Variants in TASOR2 observed in about 807,000 individuals in gnomAD.
The protein encoded by TASOR2 is transcription activation suppressor family member 2.
In TASOR2, 84 loss-of-function variants were observed where a neutral mutation model predicts 199.5. That is an observed-to-expected ratio of 0.42 (90% CI 0.35 to 0.50). TASOR2 has a LOEUF of 0.50. Ranked by LOEUF, TASOR2 falls within the 20% of genes least tolerant of loss-of-function variation. The probability of loss-of-function intolerance (pLI) is 0.02; values close to 1 mark genes in which losing one functional copy is unlikely to be tolerated. For missense variants in TASOR2, 2,796 were observed against 2,835.9 expected (o/e 0.99, Z 0.32); for synonymous variants, 1,103 against 1,046.6 (o/e 1.05, Z -1.04).
Position 5,739,729 on chromosome 10 carries a change from A to G in TASOR2, c.1559A>G (p.Asp520Gly), listed in dbSNP as rs770550129. 1.5e-5 allele frequency: 24 copies of G among 1,614,188 alleles called. No individual in the cohort carries two copies. In the South Asian group the frequency reaches 2.1e-4, roughly 14 times the overall value. ...GAAAATACCACAGCGGCTCACAATGATCTTCCTGAAAACTCCATCGTCAAC... is the reference window on the plus strand; with the variant it reads ...GAAAATACCACAGCGGCTCACAATGGTCTTCCTGAAAACTCCATCGTCAAC... Residue 520 changes from aspartate (D) to glycine (G), a missense_variant, in exon 13 of 21, where the codon GAT (aspartate) becomes GGT (glycine). Physicochemically the swap from Asp to Gly is moderately conservative, Grantham distance 94. Coordinates refer to ENST00000328090, the Ensembl canonical transcript of TASOR2.
intron 8 of TASOR2, among the ~76,000 whole-genome samples, chr10:5,724,768 G>T (rs978018311): frequency 1.3e-5 from 2 of 151,196 alleles, no homozygotes; most frequent in African/African-American, 4.8e-5. Context: ...TATCTGTGGG[G>T]TATATGTTCC....
exon 21 of TASOR2, chr10:5,763,209 T>C (rs1417498057): frequency 2.3e-5 from 13 of 568,082 alleles, no homozygotes; most frequent in Non-Finnish European, 3.9e-5. Context: ...CACAGTGGCA[T>C]TGCAGTTGTC....
chr10:5,703,115 A>T (rs1838107610), intron 1 of TASOR2, among the ~76,000 whole-genome samples: 1 of 152,314 alleles, frequency 6.6e-6, no homozygotes, highest in East Asian at 1.9e-4. Context: ...TAGAAGACAG[A>T]TACCAGCTAA....
Position 5,747,405 on chromosome 10 carries a change from G to GGT in TASOR2, c.3986_3987dup (p.Ala1330TrpfsTer9). The stretch of plus-strand genomic sequence containing the variant: ...CTGAGGAAATAGGTGAACCGGAAGA[G>GGT]GTGGCTCTCACAGAAAGCAGAGAAG... On this transcript the variant is annotated frameshift_variant, in exon 15 of 21. Coordinates refer to ENST00000328090, the Ensembl canonical transcript of TASOR2. LOFTEE classifies it high-confidence loss of function. The GGT allele has an allele frequency of 6.2e-7, 1 of 1,614,132 alleles. No homozygotes were observed. The highest frequency in any genetic ancestry group is 8.5e-7 in the Non-Finnish European group (1 of 1,180,032).
rs1218732936 is a variant in TASOR2, at chr10:5,730,793, C to G, written c.794C>G (p.Ser265Ter). 6.2e-7 allele frequency: 1 copy of G among 1,614,124 alleles called. No individual in the cohort carries two copies. Among genetic ancestry groups the G allele is most frequent in the Non-Finnish European group, 8.5e-7 (1 of 1,180,018 alleles). Reference sequence around the variant, plus strand: ...TTAACTCAGTTGAACTCTTATTTTTCAGACCCTAGTGCTTACATTTTGGAA... The same window carrying G: ...TTAACTCAGTTGAACTCTTATTTTTGAGACCCTAGTGCTTACATTTTGGAA... The change falls in exon 11 of 21, where the codon TCA becomes TGA. Residue 265 changes from serine to a stop codon, truncating the protein, a stop_gained. Coordinates refer to ENST00000328090, the Ensembl canonical transcript of TASOR2. LOFTEE classifies it high-confidence loss of function. This position sits in a 1 kb window ranked among gnomAD's most constrained non-coding sequence, Gnocchi z 4.1.
chr10:5,761,359 G>A (rs1839803587), exon 19 of TASOR2: 1 of 1,613,834 alleles, frequency 6.2e-7, no homozygotes, highest in African/African-American at 1.3e-5. Context: ...TCATTGAATT[G>A]CTTCATTATC....
In TASOR2 at chr10:5,701,707, T is replaced by C. The variant is rs150201851; in HGVS notation, c.-287-11116T>C. 3.9e-5 allele frequency among the ~76,000 whole-genome samples: 6 copies of C among 152,326 alleles called. No homozygotes were observed. In the East Asian group the frequency reaches 1.2e-3, roughly 29 times the overall value. On this transcript the variant is annotated intron_variant, in intron 1 of 20. Coordinates refer to ENST00000328090, the Ensembl canonical transcript of TASOR2. This position sits in a 1 kb window ranked among gnomAD's most constrained non-coding sequence, Gnocchi z 4.9. ...GCTAAATTGATTCCTAGGTATGTTA[T>C]ATTCTTTGTAGCTATTGTAAATGGG...
intron 11 of TASOR2, among the ~76,000 whole-genome samples, chr10:5,731,635 C>T (rs145715606): frequency 3.3e-5 from 5 of 152,316 alleles, no homozygotes; most frequent in South Asian, 2.1e-4. Context: ...CATTTCTCTC[C>T]AGGCAATTTG....
chr10:5,726,168 G>C (rs1776596253), intron 8 of TASOR2, among the ~76,000 whole-genome samples: 1 of 152,292 alleles, frequency 6.6e-6, no homozygotes, highest in East Asian at 1.9e-4. Flanking sequence ...GAAATGGTAA[G>C]CAGTGGAAAA....
chr10:5,759,631 C>G (rs1839476240), intron 18 of TASOR2, among the ~76,000 whole-genome samples: 1 of 152,224 alleles, frequency 6.6e-6, no homozygotes, highest in African/African-American at 2.4e-5. Flanking sequence ...ATAGCAAATC[C>G]TCACTTTTAT....
In TASOR2 at chr10:5,699,100, T is replaced by C. The variant is rs967630401; in HGVS notation, c.-287-13723T>C. Among the ~76,000 whole-genome samples the C allele has an allele frequency of 4.6e-5, 7 of 152,308 alleles. No homozygotes were observed. The highest frequency in any genetic ancestry group is 1.7e-4 in the African/African-American group (7 of 41,574). On this transcript the variant is annotated intron_variant, in intron 1 of 20. Coordinates refer to ENST00000328090, the Ensembl canonical transcript of TASOR2. This position sits in a 1 kb window ranked among gnomAD's most constrained non-coding sequence, Gnocchi z 4.1. ...ACCCAAATGTGCATCAGTTGATGGA[T>C]AAACAAAATGTAGTATATCCACAAA...
At chr10:5,733,296 C>G (rs1335591742) in intron 11 of TASOR2, among the ~76,000 whole-genome samples, 3 of 151,974 alleles carry the variant, frequency 2.0e-5, no homozygotes, top group Non-Finnish European at 4.4e-5. Context: ...TCACTTGAGG[C>G]CAGGAGTTCG....
exon 12 of TASOR2, chr10:5,735,474 T>C (rs1206532599): frequency 5.0e-6 from 8 of 1,613,764 alleles, no homozygotes; most frequent in Non-Finnish European, 6.8e-6. Flanking sequence ...TGTGAAGAAA[T>C]CTCCACAAAA....
intron 2 of TASOR2, among the ~76,000 whole-genome samples, chr10:5,715,621 A>G (rs547650495): frequency 6.8e-6 from 1 of 146,480 alleles, no homozygotes; most frequent in South Asian, 2.2e-4. Flanking sequence ...CATTCCAAGA[A>G]TTGCATTGGT....
intron 6 of TASOR2, among the ~76,000 whole-genome samples, chr10:5,723,167 T>G (rs1439445773): frequency 1.5e-5 from 2 of 135,540 alleles, no homozygotes; most frequent in Admixed American, 1.6e-4. Flanking sequence ...TTCTCCTGCC[T>G]CAGCCTCCCG....
At chr10:5,735,659 CTG>C in intron 12 of TASOR2, 113 bp downstream of exon 13, 1 of 1,339,248 alleles carries the variant, frequency 7.5e-7, no homozygotes, top group Non-Finnish European at 1.0e-6. Flanking sequence ...ATAATTTTTT[CTG>C]TGTTTTTCAG....
intron 6 of TASOR2, among the ~76,000 whole-genome samples, chr10:5,723,031 G>A (rs1024733925): frequency 7.3e-6 from 1 of 136,712 alleles, no homozygotes; most frequent in Non-Finnish European, 1.6e-5. Flanking sequence ...GGAAAAAGTA[G>A]TCAGGAAATA....
At position 5,690,959 on chromosome 10, in the gene TASOR2, G is replaced by A. The variant is rs1262942600; in HGVS notation, c.-288+5784G>A. Among the ~76,000 whole-genome samples, 2 of 152,114 alleles carry A rather than the reference G, an allele frequency of 1.3e-5. No homozygotes were observed. The highest frequency in any genetic ancestry group is 4.8e-5 in the African/African-American group (2 of 41,406). On this transcript the variant is annotated intron_variant, in intron 1 of 20. Coordinates refer to ENST00000328090, the Ensembl canonical transcript of TASOR2. This position sits in a 1 kb window ranked among gnomAD's most constrained non-coding sequence, Gnocchi z 4.8. ...TGTAATCCCAGCACTTTGGGAGGCC[G>A]AGGTGGGTGGATCACAAGGTCAGGA...
At position 5,706,928 on chromosome 10, in the gene TASOR2, G is replaced by A. The variant is rs748482587; in HGVS notation, c.-287-5895G>A. 6.6e-6 allele frequency among the ~76,000 whole-genome samples: 1 copy of A among 152,042 alleles called. No homozygotes were observed. Among genetic ancestry groups the A allele is most frequent in the Non-Finnish European group, 1.5e-5 (1 of 67,996 alleles). On this transcript the variant is annotated intron_variant, in intron 1 of 20. Coordinates refer to ENST00000328090, the Ensembl canonical transcript of TASOR2. The surrounding 1 kb of genome is among the most constrained non-coding windows in gnomAD (Gnocchi z 4.8). ...CGAGGCAAGAGAGTTGCTTGAACCC[G>A]GGAGGTGGAGGTTGCAGTGAACCAG...
Sources: allele counts gnomAD v4.1 joint callset (sites outside exome capture counted in the v4.1 genomes callset), GRCh38; gene constraint gnomAD v4.1.1; non-coding constraint Gnocchi (gnomAD v3.1); transcripts MANE v1.5; gene names NCBI Gene and HGNC (gene_info 2026-07-23, HGNC 2026-07-21).